Variants in ALPK2 observed in about 807,000 individuals in gnomAD.
The protein encoded by ALPK2 is alpha-protein kinase 2.
In ALPK2, 127 loss-of-function variants were observed where a neutral mutation model predicts 163.1. The ratio of observed to expected loss-of-function variants is 0.78; its 90% CI spans 0.67 to 0.90. The LOEUF is 0.90. Ranked by LOEUF, ALPK2 falls within the 40% of genes least tolerant of loss-of-function variation. The pLI, the probability that ALPK2 is intolerant of heterozygous loss-of-function variation, is 0.00. For synonymous variants in ALPK2, 953 were observed against 959.1 expected, an observed-to-expected ratio of 0.99 and a Z score of 0.12; for missense variants, 2,360 against 2,589.6, an observed-to-expected ratio of 0.91 and a Z score of 1.92.
At chr18:58,515,944 T>G (rs1015872496) in intron 9 of ALPK2, among the ~76,000 whole-genome samples, 1 of 152,154 alleles carries the variant, frequency 6.6e-6, no homozygotes, top group African/African-American at 2.4e-5. Flanking sequence ...CCAGGTGTGG[T>G]GATTCATGCC....
chr18:58,621,656 GA>G (rs1343543427), intron 1 of ALPK2, among the ~76,000 whole-genome samples: 1 of 152,200 alleles, frequency 6.6e-6, no homozygotes, highest in Non-Finnish European at 1.5e-5. Flanking sequence ...ATATTGACTA[GA>G]AATACACGAG....
chr18:58,584,355 A>T (rs2144203930), intron 3 of ALPK2, among the ~76,000 whole-genome samples: 1 of 152,148 alleles, frequency 6.6e-6, no homozygotes, highest in East Asian at 1.9e-4. Context: ...CTGCTGGGTG[A>T]CTCCTACATT....
intron 4 of ALPK2, among the ~76,000 whole-genome samples, chr18:58,562,700 T>G (rs2051831195): frequency 6.6e-6 from 1 of 152,200 alleles, no homozygotes; most frequent in African/African-American, 2.4e-5. Flanking sequence ...GGGCCGTATA[T>G]TGGGTGGCTT....
chr18:58,607,551 G>A, intron 2 of ALPK2, 112 bp from the exon 3 acceptor site: 1 of 639,522 alleles, frequency 1.6e-6, no homozygotes, highest in Non-Finnish European at 2.6e-6. Flanking sequence ...GGATGAGGAT[G>A]ATGGATTACG....
intron 5 of ALPK2, among the ~76,000 whole-genome samples, chr18:58,531,401 T>G (rs1294062228): frequency 6.6e-6 from 1 of 151,778 alleles, no homozygotes; most frequent in African/African-American, 2.4e-5. Context: ...GGGTCTGAAG[T>G]GTACCAGCCG....
chr18:58,593,282 G>A (rs1484457074), intron 3 of ALPK2, among the ~76,000 whole-genome samples: 3 of 152,190 alleles, frequency 2.0e-5, no homozygotes. Flanking sequence ...AAGAAAAAAA[G>A]GGGCTGGGTG....
chr18:58,492,277 C>T (rs533671298), intron 12 of ALPK2, among the ~76,000 whole-genome samples: 2 of 151,996 alleles, frequency 1.3e-5, no homozygotes, highest in Admixed American at 6.6e-5. Context: ...CGCACACAGA[C>T]ATATATACGC....
At position 58,580,497 on chromosome 18, in the gene ALPK2, A is replaced by G. The variant is rs1381537468; in HGVS notation, c.279T>C (p.Phe93=). 10 of 1,614,000 alleles carry G rather than the reference A, an allele frequency of 6.2e-6. No individual in the cohort carries two copies. The highest frequency in any genetic ancestry group is 8.5e-6 in the Non-Finnish European group (10 of 1,179,994). Reference sequence around the variant, plus strand: ...CGGAAGCAGAACAACAGATCATTCCAAAAGAGTTTTTAGCCGAGATTTGAT... The same window carrying G: ...CGGAAGCAGAACAACAGATCATTCCGAAAGAGTTTTTAGCCGAGATTTGAT... ...AVYQISAKNS[F]GMICCSASVE... Residue 93 remains phenylalanine, a synonymous_variant, in exon 4 of 13, where the codon TTT becomes TTC. Transcript: ENST00000361673.
rs192380411 is a variant in ALPK2, at chr18:58,553,227, G to C, written c.1963-15003C>G. ...CTCAATTGTGAGAAAATAAATGTCT[G>C]ATGCTTGAAGGCACCCCGGTTTTGG... On this transcript the variant is annotated intron_variant, in intron 4 of 12. Coordinates refer to ENST00000361673, the MANE Select transcript of ALPK2 (RefSeq NM_052947.4). 2.6e-5 allele frequency among the ~76,000 whole-genome samples: 4 copies of C among 152,290 alleles called. No individual in the cohort carries two copies. The East Asian group carries it at 7.7e-4, about 29-fold the overall frequency.
chr18:58,492,840 G>A (rs951751280), intron 12 of ALPK2, among the ~76,000 whole-genome samples: 8 of 152,214 alleles, frequency 5.3e-5, no homozygotes, highest in African/African-American at 1.9e-4. Flanking sequence ...GGATACTGCT[G>A]TGCTAGTCCC....
intron 1 of ALPK2, among the ~76,000 whole-genome samples, chr18:58,615,214 G>A (rs1450310911): frequency 6.6e-6 from 1 of 152,056 alleles, no homozygotes; most frequent in Non-Finnish European, 1.5e-5. Flanking sequence ...CCTTTTTGTG[G>A]CCAATCAGCA....
intron 4 of ALPK2, among the ~76,000 whole-genome samples, chr18:58,571,936 A>G (rs1234707438): frequency 3.0e-5 from 4 of 135,566 alleles, no homozygotes; most frequent in East Asian, 2.3e-4. Flanking sequence ...AGATCGTGCC[A>G]CTGTACTCCA....
rs1400169237 is a variant in ALPK2 at position 58,579,462 on chromosome 18, A to G, written c.1314T>C (p.Asp438=). 14 of 1,613,968 alleles carry G rather than the reference A, an allele frequency of 8.7e-6. No individual in the cohort carries two copies. The highest frequency in any genetic ancestry group is 1.3e-5 in the African/African-American group (1 of 74,872). The part of the protein sequence containing the change: ...GMTLILGPHQ[D]GTSSVTEQGR... ...CCTGTTCTGTCACTGAAGACGTTCC[A>G]TCCTGGTGAGGTCCCAAAATGAGAG... The change falls in exon 4 of 13, where the codon GAT becomes GAC. Residue 438 remains aspartate, a synonymous_variant. Coordinates refer to ENST00000361673, the MANE Select transcript of ALPK2 (RefSeq NM_052947.4).
intron 11 of ALPK2, among the ~76,000 whole-genome samples, chr18:58,501,946 G>A (rs2051433248): frequency 6.6e-6 from 1 of 152,106 alleles, no homozygotes; most frequent in South Asian, 2.1e-4. Flanking sequence ...GGTGAAGCTG[G>A]TGAAGCATAC....
At chr18:58,567,702 T>G (rs1345329975) in intron 4 of ALPK2, among the ~76,000 whole-genome samples, 1 of 152,184 alleles carries the variant, frequency 6.6e-6, no homozygotes, top group Non-Finnish European at 1.5e-5. Context: ...GGAACCAGAA[T>G]AGCTGGAATA....
chr18:58,512,354 A>C (rs1330205841), intron 10 of ALPK2: 1 of 152,276 alleles, frequency 6.6e-6, no homozygotes, highest in Non-Finnish European at 1.5e-5. Context: ...ATGAATTCAA[A>C]AACAGAAGCT....
rs191604782 is a variant in ALPK2 at position 58,488,537 on chromosome 18, G to A, written c.6297-6498C>T. Among the ~76,000 whole-genome samples the A allele has an allele frequency of 5.1e-4, 76 of 150,470 alleles. 1 individual carries two copies. The highest frequency in any genetic ancestry group is 3.9e-3 in the East Asian group (20 of 5,118). ...GAAAGTCACAGAAATTTCCAGCCCC[G>A]GCTGAGTTAGAGAAACCAAGGTTCT... On this transcript the variant is annotated intron_variant, in intron 12 of 12. Coordinates refer to ENST00000361673, the MANE Select transcript of ALPK2 (RefSeq NM_052947.4).
In ALPK2 at chr18:58,607,426, T is replaced by TG; in HGVS notation, c.122dup (p.Glu42ArgfsTer6). 1 of 1,610,326 alleles carries TG rather than the reference T, an allele frequency of 6.2e-7. No individual in the cohort carries two copies. Among genetic ancestry groups the TG allele is most frequent in the Non-Finnish European group, 8.5e-7 (1 of 1,178,286 alleles). On this transcript the variant is annotated frameshift_variant, in exon 3 of 13. Coordinates refer to ENST00000361673, the MANE Select transcript of ALPK2 (RefSeq NM_052947.4). LOFTEE classifies it high-confidence loss of function. Reference sequence around the variant, plus strand: ...GACCATTCTTATACCAAGTTACCTCTGGCTTGGGCTGACCTGACAATAAAG... The same window carrying TG: ...GACCATTCTTATACCAAGTTACCTCTGGGCTTGGGCTGACCTGACAATAAAG...
At position 58,537,594 on chromosome 18, in the gene ALPK2, G is replaced by C. The variant is rs1349712814; in HGVS notation, c.2593C>G (p.Gln865Glu). ...SNDKTLEVFF[Q>E]TQVSETSVST... ...ACTGAAGTCTCAGACACTTGTGTCTGAAAAAAGACTTCCAGTGTCTTGTCA... is the reference window on the plus strand; with the variant it reads ...ACTGAAGTCTCAGACACTTGTGTCTCAAAAAAGACTTCCAGTGTCTTGTCA... The change falls in exon 5 of 13, where the codon CAG (glutamine) becomes GAG (glutamate). Residue 865 changes from glutamine (Q) to glutamate (E), a missense_variant. By Grantham distance (29) the Gln-to-Glu change is conservative. Coordinates refer to ENST00000361673, the MANE Select transcript of ALPK2 (RefSeq NM_052947.4). The C allele has an allele frequency of 6.2e-7, 1 of 1,613,542 alleles. No homozygotes were observed. The highest frequency in any genetic ancestry group is 8.5e-7 in the Non-Finnish European group (1 of 1,179,664).
Sources: allele counts gnomAD v4.1 joint callset (sites outside exome capture counted in the v4.1 genomes callset), GRCh38; gene constraint gnomAD v4.1.1; transcripts MANE v1.5; gene names NCBI Gene and HGNC (gene_info 2026-07-23, HGNC 2026-07-21).